SEC23B: variants seen among roughly 807,000 people sequenced by gnomAD.
SEC23B encodes the protein protein transport protein Sec23B.
A neutral mutation model predicts 104.3 loss-of-function variants in SEC23B; 77 were observed. That is an observed-to-expected ratio of 0.74 (90% confidence interval 0.61 to 0.89). The LOEUF (loss-of-function observed/expected upper bound fraction) is 0.89, where lower values mean the gene tolerates loss of function less well. Ranked by LOEUF, SEC23B falls within the 40% of genes least tolerant of loss-of-function variation. The pLI, the probability that SEC23B is intolerant of heterozygous loss-of-function variation, is 0.00. For synonymous variants in SEC23B, 338 were observed against 332.5 expected, an observed-to-expected ratio of 1.02 and a Z score of -0.18; for missense variants, 885 against 949.4, an observed-to-expected ratio of 0.93 and a Z score of 0.89.
chr20:18,540,009 GAA>G (rs1401732506), intron 12 of SEC23B, among the ~76,000 whole-genome samples: 1 of 107,664 alleles, frequency 9.3e-6, no homozygotes, highest in Non-Finnish European at 1.9e-5. Context: ...TTCCTCCACT[GAA>G]GTCTCAAACC....
chr20:18,536,459 G>A (rs904232105), intron 12 of SEC23B, among the ~76,000 whole-genome samples: 1 of 152,126 alleles, frequency 6.6e-6, no homozygotes, highest in Non-Finnish European at 1.5e-5. Flanking sequence ...TTGGGAGGCC[G>A]AGGCGGGCGG....
intron 12 of SEC23B, among the ~76,000 whole-genome samples, chr20:18,540,866 A>G (rs1049629424): frequency 3.9e-5 from 6 of 152,118 alleles, no homozygotes; most frequent in African/African-American, 7.2e-5. Flanking sequence ...AGAAAAACCA[A>G]ATAGAGTCAC....
intron 17 of SEC23B, among the ~76,000 whole-genome samples, chr20:18,553,811 AT>A (rs2060410111): frequency 6.6e-6 from 1 of 152,172 alleles, no homozygotes; most frequent in African/African-American, 2.4e-5. Flanking sequence ...GGAGTGTAAT[AT>A]GTGTGCCGTT....
chr20:18,528,591 C>T (rs192723087), intron 9 of SEC23B, among the ~76,000 whole-genome samples: 66 of 152,216 alleles, frequency 4.3e-4, no homozygotes, highest in African/African-American at 1.6e-3. Flanking sequence ...TGCTGCTGGT[C>T]CCCAGTGAGT....
intron 4 of SEC23B, among the ~76,000 whole-genome samples, chr20:18,517,285 C>T (rs1177535235): frequency 2.0e-5 from 3 of 152,090 alleles, no homozygotes; most frequent in Non-Finnish European, 4.4e-5. Context: ...AGTGGAGTTA[C>T]GAGCAATGTT....
chr20:18,512,982 A>G (rs1038341000), intron 3 of SEC23B, among the ~76,000 whole-genome samples: 3 of 152,002 alleles, frequency 2.0e-5, no homozygotes, highest in Non-Finnish European at 2.9e-5. Flanking sequence ...TCAAGAGATC[A>G]AGACCATCCT....
In SEC23B at chr20:18,515,644, T is replaced by C. The variant is rs370880370; in HGVS notation, c.280-6T>C. 93 of 1,580,686 alleles carry C rather than the reference T, an allele frequency of 5.9e-5. 1 individual carries two copies. The African/African-American group carries it at 8.1e-4, about 14-fold the overall frequency. Reference sequence around the variant, plus strand: ...AACCCTAATAAAACTGTTTCCTTCTTTTCAGTTTCCTCCAGCTTATGGAGG... The same window carrying C: ...AACCCTAATAAAACTGTTTCCTTCTCTTCAGTTTCCTCCAGCTTATGGAGG... On this transcript the variant is annotated splice_polypyrimidine_tract_variant and splice_region_variant and intron_variant, in intron 3 of 19. Transcript: ENST00000650089.
At chr20:18,559,082 G>GC (rs1046083822) in intron 19 of SEC23B, among the ~76,000 whole-genome samples, 10 of 151,326 alleles carry the variant, frequency 6.6e-5, no homozygotes, top group Non-Finnish European at 1.5e-4. Flanking sequence ...GTGGTTGGTG[G>GC]GGGGGGTGTC....
chr20:18,510,454 C>G (rs2059971607), intron 1 of SEC23B, among the ~76,000 whole-genome samples: 1 of 152,208 alleles, frequency 6.6e-6, no homozygotes, highest in Admixed American at 6.5e-5. Context: ...AGGTTCTTCC[C>G]AAGTATTTAA....
At chr20:18,535,466 G>A (rs1413669562) in intron 11 of SEC23B, among the ~76,000 whole-genome samples, 187 bp from the exon 12 acceptor site, 1 of 152,158 alleles carries the variant, frequency 6.6e-6, no homozygotes, top group Non-Finnish European at 1.5e-5. Context: ...TAATTTTAAA[G>A]TGTAAATGTA....
In SEC23B at chr20:18,547,633, G is replaced by T. The variant is rs151192706; in HGVS notation, c.1744-976G>T. On this transcript the variant is annotated intron_variant, in intron 15 of 19. Coordinates refer to ENST00000650089, the MANE Select transcript of SEC23B (RefSeq NM_006363.6). ...CTGTCATCTGCTGTTCCTGTGCCTG[G>T]AATCCCCTTCCCCCTGGCCCTGTGG... Among the ~76,000 whole-genome samples, 552 of 152,124 alleles carry T rather than the reference G, an allele frequency of 3.6e-3. 1 individual carries two copies. The highest frequency in any genetic ancestry group is 0.012 in the African/African-American group (511 of 41,508).
chr20:18,556,149 G>C (rs1420424958), intron 19 of SEC23B, among the ~76,000 whole-genome samples: 2 of 152,102 alleles, frequency 1.3e-5, no homozygotes, highest in Non-Finnish European at 2.9e-5. Context: ...ACGTGATGGG[G>C]GAGCAGCTGT....
At chr20:18,541,258 G>C (rs1281975878) in intron 12 of SEC23B, among the ~76,000 whole-genome samples, 1 of 152,218 alleles carries the variant, frequency 6.6e-6, no homozygotes, top group African/African-American at 2.4e-5. Context: ...TGTTGTATCT[G>C]GTTTGATTTT....
intron 12 of SEC23B, among the ~76,000 whole-genome samples, chr20:18,540,416 T>G (rs914926474): frequency 6.6e-6 from 1 of 152,232 alleles, no homozygotes; most frequent in Non-Finnish European, 1.5e-5. Context: ...ACAGTGGGCT[T>G]TAAATATTTA....
intron 4 of SEC23B, among the ~76,000 whole-genome samples, chr20:18,518,589 T>TTG (rs2060054078): frequency 1.5e-5 from 2 of 135,268 alleles, no homozygotes; most frequent in South Asian, 4.6e-4. Context: ...GAGGTTTTTT[T>TTG]TTTTTTTTTT....
chr20:18,518,591 T>TTTTTTTC (rs1329415252), intron 4 of SEC23B, among the ~76,000 whole-genome samples: 1 of 136,426 alleles, frequency 7.3e-6, no homozygotes, highest in Admixed American at 7.5e-5. Flanking sequence ...GGTTTTTTTT[T>TTTTTTTC]TTTTTTTTTT....
intron 4 of SEC23B, among the ~76,000 whole-genome samples, chr20:18,523,431 CTTGCTCT>C (rs2060104150): frequency 7.2e-6 from 1 of 138,740 alleles, no homozygotes; most frequent in East Asian, 2.1e-4. Flanking sequence ...TAGACAGAGC[CTTGCTCT>C]GTCACCCAGG....
chr20:18,538,651 T>C (rs901429429), intron 12 of SEC23B, among the ~76,000 whole-genome samples: 1 of 152,214 alleles, frequency 6.6e-6, no homozygotes, highest in Non-Finnish European at 1.5e-5. Context: ...GTTTGATAGC[T>C]TTTTACCCAC....
intron 12 of SEC23B, among the ~76,000 whole-genome samples, chr20:18,539,113 T>C (rs1568615361): frequency 6.6e-6 from 1 of 150,770 alleles, no homozygotes; most frequent in African/African-American, 2.4e-5. Flanking sequence ...CTCAGGAGGC[T>C]GAGGCAGGAG....
Sources: allele counts gnomAD v4.1 joint callset (sites outside exome capture counted in the v4.1 genomes callset), GRCh38; gene constraint gnomAD v4.1.1; transcripts MANE v1.5; gene names NCBI Gene and HGNC (gene_info 2026-07-23, HGNC 2026-07-21).